The following WDR27 variants were observed in gnomAD, a reference collection of about 807,000 sequenced individuals.
WDR27 encodes the protein WD repeat domain 27, also known as WD repeat-containing protein 27.
Under a neutral mutation model 114.4 loss-of-function variants are expected in WDR27, and 100 were observed. The observed-to-expected ratio is 0.87, with a 90% CI of 0.74 to 1.03. The LOEUF is 1.03. WDR27 is among the 50% of genes least tolerant of loss of function. The pLI, the probability that WDR27 is intolerant of heterozygous loss-of-function variation, is 0.00. For synonymous variants in WDR27, 449 were observed against 423.1 expected, an observed-to-expected ratio of 1.06 and a Z score of -0.75; for missense variants, 1,129 against 1,092.9, an observed-to-expected ratio of 1.03 and a Z score of -0.47.
chr6:169,640,094 C>G (rs566570470), intron 17 of WDR27, among the ~76,000 whole-genome samples: 43 of 152,292 alleles, frequency 2.8e-4, no homozygotes, highest in Admixed American at 1.9e-3. Flanking sequence ...ACTCATGCTT[C>G]CTGACGACAA....
intron 21 of WDR27, 85 bp from the exon 22 acceptor site, chr6:169,613,741 T>C (rs1811163983): frequency 1.7e-6 from 2 of 1,204,926 alleles, no homozygotes; most frequent in Admixed American, 4.7e-5. Context: ...TAATAGCTGA[T>C]TCTCAAGTAA....
intron 23 of WDR27, among the ~76,000 whole-genome samples, chr6:169,597,121 T>C (rs1447626524): frequency 6.6e-6 from 1 of 152,174 alleles, no homozygotes; most frequent in Non-Finnish European, 1.5e-5. Flanking sequence ...TTTCCCATCC[T>C]GCTACTTTCA....
In WDR27 at chr6:169,665,608, T is replaced by G. The variant is rs1827636166; in HGVS notation, c.713-52A>C. The G allele has an allele frequency of 7.1e-6, 11 of 1,539,986 alleles. No homozygotes were observed. The Admixed American group carries it at 1.9e-4, about 27-fold the overall frequency. ...AGCTTTGTAAGTGCCTGGTACCAATTAACCCGAGAACTGTCAGTTTTACTT... is the reference window on the plus strand; with the variant it reads ...AGCTTTGTAAGTGCCTGGTACCAATGAACCCGAGAACTGTCAGTTTTACTT... On this transcript the variant is annotated intron_variant, in intron 6 of 25. Transcript: ENST00000448612.
chr6:169,670,595 T>C lies in WDR27; in HGVS notation c.430A>G (p.Asn144Asp), dbSNP rs1427605562. 6.2e-7 allele frequency: 1 copy of C among 1,613,996 alleles called. No individual in the cohort carries two copies. The highest frequency in any genetic ancestry group is 2.2e-5 in the East Asian group (1 of 44,878). ...DDHVVAVCAG[N>D]KIFMLDIEQR... The stretch of plus-strand genomic sequence containing the variant: ...TCAATATCCAGCATGAATATTTTGT[T>C]TCCAGCACACACGGCAACAACATGA... Residue 144 changes from asparagine to aspartate, a missense_variant, in exon 4 of 26, where the codon AAC becomes GAC. By Grantham distance (23) the Asn-to-Asp change is conservative. Coordinates refer to ENST00000448612, the MANE Select transcript of WDR27 (RefSeq NM_182552.5).
At chr6:169,469,924 A>G (rs1786124745) in intron 25 of WDR27, among the ~76,000 whole-genome samples, 1 of 152,226 alleles carries the variant, frequency 6.6e-6, no homozygotes, top group Non-Finnish European at 1.5e-5. Flanking sequence ...TTTTAGAACA[A>G]GCTTTCCTAT....
intron 2 of WDR27, among the ~76,000 whole-genome samples, chr6:169,682,394 A>G (rs1190834858): frequency 6.6e-6 from 1 of 152,182 alleles, no homozygotes; most frequent in African/African-American, 2.4e-5. Context: ...CCTGGTCAGC[A>G]TTCCCACAGA....
Position 169,457,657 on chromosome 6 carries a change from A to G in WDR27, c.2646-23T>C, listed in dbSNP as rs537132457. 3.9e-6 allele frequency: 6 copies of G among 1,536,940 alleles called. No homozygotes were observed. In the Admixed American group the frequency reaches 6.0e-5, roughly 15 times the overall value. On this transcript the variant is annotated intron_variant, in intron 25 of 25. Coordinates refer to ENST00000448612, the MANE Select transcript of WDR27 (RefSeq NM_182552.5). The stretch of plus-strand genomic sequence containing the variant: ...AAGCTGTAATTGAAAATAAAATACC[A>G]TGTAATTCCAATCGCCTTTTATTAA...
At chr6:169,636,287 T>A in intron 19 of WDR27, 84 bp downstream of exon 19, 1 of 1,511,332 alleles carries the variant, frequency 6.6e-7, no homozygotes, top group African/African-American at 1.4e-5. Context: ...GGCAACATTT[T>A]AAAATGTAAA....
chr6:169,589,191 G>A (rs978341547), intron 23 of WDR27, among the ~76,000 whole-genome samples: 8 of 152,208 alleles, frequency 5.3e-5, no homozygotes, highest in Admixed American at 2.6e-4. Flanking sequence ...AATGGATAAG[G>A]GAAATTATAA....
chr6:169,427,658 C>T, the WDR27 span, among the ~76,000 whole-genome samples: 1 of 152,086 alleles, frequency 6.6e-6, no homozygotes, highest in African/African-American at 2.4e-5. Flanking sequence ...CTCCTTGCGT[C>T]CCTCGAGTCA....
At chr6:169,441,453 C>T in the WDR27 span, among the ~76,000 whole-genome samples, 2 of 152,162 alleles carry the variant, frequency 1.3e-5, no homozygotes, top group African/African-American at 4.8e-5. Flanking sequence ...TGGGAAGCAC[C>T]GAGGCACAGG....
At chr6:169,697,533 C>A (rs1304508582) in intron 1 of WDR27, among the ~76,000 whole-genome samples, 11 of 152,194 alleles carry the variant, frequency 7.2e-5, no homozygotes, top group African/African-American at 2.7e-4. Context: ...GGAGGCCTAA[C>A]CATCTCCGTG....
At chr6:169,502,406 TTTTTTTGTTGCTGCCATA>T (rs1791413547) in intron 25 of WDR27, among the ~76,000 whole-genome samples, 1 of 152,150 alleles carries the variant, frequency 6.6e-6, no homozygotes, top group Non-Finnish European at 1.5e-5. Context: ...TACACTGTAG[TTTTTTTGTTGCTGCCATA>T]AAAATTTCCT....
intron 25 of WDR27, among the ~76,000 whole-genome samples, chr6:169,509,931 C>T (rs575066762): frequency 6.6e-6 from 1 of 152,118 alleles, no homozygotes; most frequent in Admixed American, 6.5e-5. Flanking sequence ...AACAAATTTA[C>T]AAGAAAGAAA....
the WDR27 span, among the ~76,000 whole-genome samples, chr6:169,430,102 G>A: frequency 6.6e-6 from 1 of 152,202 alleles, no homozygotes; most frequent in Non-Finnish European, 1.5e-5. Context: ...TGTCTTGGAG[G>A]CTTTAGAAGT....
At chr6:169,515,219 T>C (rs549317021) in intron 25 of WDR27, among the ~76,000 whole-genome samples, 42 of 151,410 alleles carry the variant, frequency 2.8e-4, no homozygotes, top group Non-Finnish European at 4.6e-4. Context: ...TCAACAGAAA[T>C]GTGTGCGTGT....
At chr6:169,696,187 A>G (rs753702847) in intron 1 of WDR27, among the ~76,000 whole-genome samples, 1 of 152,226 alleles carries the variant, frequency 6.6e-6, no homozygotes, top group Non-Finnish European at 1.5e-5. Flanking sequence ...AATTCCCTGC[A>G]TACGTCTACA....
At chr6:169,479,464 A>T (rs1787646533) in intron 25 of WDR27, among the ~76,000 whole-genome samples, 1 of 152,226 alleles carries the variant, frequency 6.6e-6, no homozygotes, top group South Asian at 2.1e-4. Flanking sequence ...ATTTAACAAG[A>T]AAAACTTAAC....
chr6:169,632,598 A>G (rs1427828113), intron 21 of WDR27, among the ~76,000 whole-genome samples: 1 of 152,196 alleles, frequency 6.6e-6, no homozygotes, highest in Non-Finnish European at 1.5e-5. Context: ...AAAGCTACTG[A>G]TTTAGCAAGG....
Sources: allele counts gnomAD v4.1 joint callset (sites outside exome capture counted in the v4.1 genomes callset), GRCh38; gene constraint gnomAD v4.1.1; transcripts MANE v1.5; gene names NCBI Gene and HGNC (gene_info 2026-07-23, HGNC 2026-07-21).